The following PLAUR variants were observed in gnomAD, a reference collection of about 807,000 sequenced individuals.
The protein encoded by PLAUR is urokinase plasminogen activator surface receptor.
Under a neutral mutation model 33.4 loss-of-function variants are expected in PLAUR, and 22 were observed. The ratio of observed to expected loss-of-function variants is 0.66; its 90% confidence interval spans 0.47 to 0.94. The LOEUF (loss-of-function observed/expected upper bound fraction) is 0.94, where lower values mean the gene tolerates loss of function less well. Ranked by LOEUF, PLAUR falls within the 40% of genes least tolerant of loss-of-function variation. PLAUR has a pLI of 0.00. For missense variants in PLAUR, 408 were observed against 434.7 expected (o/e 0.94, Z 0.55); for synonymous variants, 148 against 167.3 (o/e 0.88, Z 0.89).
At chr19:43,658,807 C>T (rs1032669410) in intron 3 of PLAUR, among the ~76,000 whole-genome samples, 6 of 152,170 alleles carry the variant, frequency 3.9e-5, no homozygotes, top group African/African-American at 1.4e-4. Context: ...GCCCAATCGT[C>T]CCCCTCAAAG....
At chr19:43,666,042 T>A (rs1185222746) in intron 2 of PLAUR, among the ~76,000 whole-genome samples, 3 of 151,544 alleles carry the variant, frequency 2.0e-5, no homozygotes, top group African/African-American at 7.3e-5. Context: ...AGCTTAGTGA[T>A]CTCAGTACTG....
At position 43,669,051 on chromosome 19, in the gene PLAUR, T is replaced by G. The variant is rs370417895; in HGVS notation, c.55+1015A>C. On this transcript the variant is annotated intron_variant, in intron 1 of 6. Transcript: ENST00000340093. Reference sequence around the variant, plus strand: ...GTTCGGAGTATCCCGGAGCTGTTACTCATTCCCGGCCTCCCGCGGTCTCGA... The same window carrying G: ...GTTCGGAGTATCCCGGAGCTGTTACGCATTCCCGGCCTCCCGCGGTCTCGA... Among the ~76,000 whole-genome samples the G allele has an allele frequency of 1.2e-4, 18 of 152,306 alleles. No homozygotes were observed. The East Asian group carries it at 3.3e-3, about 28-fold the overall frequency.
At chr19:43,648,200 G>C (rs1311024456), downstream of PLAUR, among the ~76,000 whole-genome samples, 2 of 151,882 alleles carry the variant, frequency 1.3e-5, no homozygotes, top group African/African-American at 4.8e-5. Context: ...TTTTGAGACA[G>C]AGTCTTGCTC....
At chr19:43,651,356 C>T (rs563848984) in intron 6 of PLAUR, among the ~76,000 whole-genome samples, 13 of 152,156 alleles carry the variant, frequency 8.5e-5, no homozygotes, top group Middle Eastern at 6.8e-3. Flanking sequence ...GGATTACAGG[C>T]GTGAGCCACC....
At chr19:43,649,806 G>C (rs943922596) in intron 6 of PLAUR, among the ~76,000 whole-genome samples, 2 of 152,102 alleles carry the variant, frequency 1.3e-5, no homozygotes, top group Non-Finnish European at 2.9e-5. Flanking sequence ...AGGGACCCCA[G>C]AGACCCTTTC....
rs772928809 is a variant in PLAUR, at chr19:43,652,375, A to C, written c.608-4T>G. On this transcript the variant is annotated splice_region_variant and splice_polypyrimidine_tract_variant and intron_variant, in intron 5 of 6. Transcript: ENST00000340093. The stretch of plus-strand genomic sequence containing the variant: ...GGCAGATTTTCAAGCTCCAGGACTT[A>C]GGAGAAGACCAGAGACACAGAGACC... The C allele has an allele frequency of 4.3e-6, 7 of 1,613,842 alleles. No individual in the cohort carries two copies. In the East Asian group the frequency reaches 1.6e-4, roughly 36 times the overall value.
At chr19:43,650,348 C>A (rs905304681) in intron 6 of PLAUR, among the ~76,000 whole-genome samples, 2 of 148,836 alleles carry the variant, frequency 1.3e-5, no homozygotes, top group African/African-American at 5.0e-5. Context: ...TTTTTTAAGA[C>A]AGGGTCTCGC....
chr19:43,646,241 C>A, downstream of PLAUR: 1 of 499,382 alleles, frequency 2.0e-6, no homozygotes. Flanking sequence ...GCCTGTCCTT[C>A]CATGATGTTT....
chr19:43,652,704 G>A (rs1208868016), intron 5 of PLAUR, among the ~76,000 whole-genome samples: 2 of 152,114 alleles, frequency 1.3e-5, no homozygotes, highest in Admixed American at 1.3e-4. Context: ...AGGCTGGAGT[G>A]CAGTGGCGCA....
chr19:43,646,372 A>G (rs528271761), downstream of PLAUR: 195 of 686,268 alleles, frequency 2.8e-4, 4 homozygotes, highest in South Asian at 2.0e-3. Context: ...CTGGGGCTAC[A>G]TGTCCAAGGT....
chr19:43,652,467 A>C, intron 5 of PLAUR, 96 bp from the exon 6 acceptor site: 1 of 1,225,760 alleles, frequency 8.2e-7, no homozygotes, highest in Non-Finnish European at 1.2e-6. Context: ...TCCGAGCCAG[A>C]GATGTCATGG....
downstream of PLAUR, among the ~76,000 whole-genome samples, chr19:43,646,788 C>CTTTT (rs71169269): frequency 3.6e-3 from 381 of 104,794 alleles, no homozygotes; most frequent in Middle Eastern, 6.1e-3. Context: ...TGGAAGATGT[C>CTTTT]TTTTTTTTTT....
chr19:43,649,275 C>T, intron 6 of PLAUR, 132 bp from the exon 7 acceptor site: 1 of 1,028,420 alleles, frequency 9.7e-7, no homozygotes. Context: ...GTTCTCAGGG[C>T]CAGGTGTGGT....
At chr19:43,664,238 C>G (rs2146272483) in intron 3 of PLAUR, among the ~76,000 whole-genome samples, 1 of 152,128 alleles carries the variant, frequency 6.6e-6, no homozygotes. Context: ...CAGGCAGAAT[C>G]AGGATGAATG....
chr19:43,651,437 G>A (rs1305605640), intron 6 of PLAUR, among the ~76,000 whole-genome samples: 2 of 137,988 alleles, frequency 1.4e-5, no homozygotes, highest in African/African-American at 5.3e-5. Context: ...ACAATAAAGA[G>A]TTTTTTTTTT....
intron 5 of PLAUR, among the ~76,000 whole-genome samples, chr19:43,654,269 G>T (rs1974116520): frequency 6.6e-6 from 1 of 152,028 alleles, no homozygotes; most frequent in Non-Finnish European, 1.5e-5. Flanking sequence ...CAGCCTGGGT[G>T]GCAGAGCAAG....
At chr19:43,657,309 A>G (rs1974254095) in intron 3 of PLAUR, among the ~76,000 whole-genome samples, 1 of 151,968 alleles carries the variant, frequency 6.6e-6, no homozygotes, top group Non-Finnish European at 1.5e-5. Flanking sequence ...ACTCTTCCAT[A>G]GCTCCCTACT....
chr19:43,654,591 G>C (rs1351846861), intron 5 of PLAUR, among the ~76,000 whole-genome samples: 1 of 151,926 alleles, frequency 6.6e-6, no homozygotes, highest in South Asian at 2.1e-4. Context: ...AAAATTAGCT[G>C]GGTACGGTGG....
At chr19:43,665,583 G>C in intron 2 of PLAUR, 124 bp from the exon 3 acceptor site, 1 of 898,246 alleles carries the variant, frequency 1.1e-6, no homozygotes, top group Non-Finnish European at 1.7e-6. Flanking sequence ...TGTTATTTGA[G>C]TCGAACTCTG....
Sources: allele counts gnomAD v4.1 joint callset (sites outside exome capture counted in the v4.1 genomes callset), GRCh38; gene constraint gnomAD v4.1.1; transcripts MANE v1.5; gene names NCBI Gene and HGNC (gene_info 2026-07-23, HGNC 2026-07-21).